PCDHA3: variants seen among roughly 807,000 people sequenced by gnomAD.
The protein encoded by PCDHA3 is protocadherin alpha-3.
In PCDHA3, 41 loss-of-function variants were observed where a neutral mutation model predicts 62.2. The observed-to-expected ratio is 0.66, with a 90% CI of 0.51 to 0.86. The LOEUF (loss-of-function observed/expected upper bound fraction) is 0.86, where lower values mean the gene tolerates loss of function less well. Among genes scored for constraint, PCDHA3 ranks in the 40% least tolerant of loss-of-function variants. The pLI, the probability that PCDHA3 is intolerant of heterozygous loss-of-function variation, is 0.00. For missense variants in PCDHA3, 1,304 were observed against 1,241.2 expected (o/e 1.05, Z -0.76); for synonymous variants, 640 against 555.4 (o/e 1.15, Z -2.14).
chr5:140,954,184 T>C (rs2094994216), intron 1 of PCDHA3, among the ~76,000 whole-genome samples: 1 of 152,236 alleles, frequency 6.6e-6, no homozygotes, highest in Non-Finnish European at 1.5e-5. Flanking sequence ...CAGTCTATCA[T>C]TGATGGGCAT....
intron 1 of PCDHA3, among the ~76,000 whole-genome samples, chr5:140,899,492 T>A (rs1325439071): frequency 3.9e-5 from 6 of 152,338 alleles, no homozygotes; most frequent in Admixed American, 3.3e-4. Context: ...CTGGATTACA[T>A]TTATTGATTT....
intron 1 of PCDHA3, among the ~76,000 whole-genome samples, chr5:140,943,089 T>C (rs2093417033): frequency 6.6e-6 from 1 of 151,612 alleles, no homozygotes; most frequent in African/African-American, 2.4e-5. Flanking sequence ...AAATCCTGCC[T>C]CTACTAAAAA....
chr5:141,006,425 G>A (rs1483231288), intron 3 of PCDHA3, among the ~76,000 whole-genome samples: 2 of 152,080 alleles, frequency 1.3e-5, no homozygotes, highest in African/African-American at 4.8e-5. Context: ...GTGTTAGCCA[G>A]GATGGTCTCA....
In PCDHA3 at chr5:140,895,583, A is replaced by C. The variant is rs545210218; in HGVS notation, c.2395-83366A>C. On this transcript the variant is annotated intron_variant, in intron 1 of 3. Coordinates refer to ENST00000522353, the MANE Select transcript of PCDHA3 (RefSeq NM_018906.3). ...ATATTCTAGATGCAATTACTTTATT[A>C]GATATATAATTTGCAAAGATTTTCT... Among the ~76,000 whole-genome samples, 15 of 152,292 alleles carry C rather than the reference A, an allele frequency of 9.8e-5. No individual in the cohort carries two copies. In the South Asian group the frequency reaches 3.1e-3, roughly 32 times the overall value.
At chr5:140,836,514 T>C in intron 1 of PCDHA3, 2 of 1,613,848 alleles carry the variant, frequency 1.2e-6, no homozygotes, top group Non-Finnish European at 1.7e-6. Flanking sequence ...GTCCAGTCTG[T>C]TGGTGCTTAC....
At chr5:140,900,546 G>A (rs1430203463) in intron 1 of PCDHA3, among the ~76,000 whole-genome samples, 3 of 152,162 alleles carry the variant, frequency 2.0e-5, no homozygotes, top group East Asian at 1.9e-4. Context: ...CAAAGTGCTG[G>A]GATTACAGGC....
intron 1 of PCDHA3, chr5:140,828,910 G>A (rs2150160654): frequency 6.2e-7 from 1 of 1,613,410 alleles, no homozygotes; most frequent in Non-Finnish European, 8.5e-7. Context: ...ATGAAGGAGC[G>A]AATGGGGCAA....
intron 1 of PCDHA3, among the ~76,000 whole-genome samples, chr5:140,950,271 T>C (rs1202365274): frequency 6.6e-6 from 1 of 152,058 alleles, no homozygotes; most frequent in Non-Finnish European, 1.5e-5. Flanking sequence ...ATCCATAATG[T>C]CTTTTTGCTT....
Position 141,009,979 on chromosome 5 carries a change from T to C in PCDHA3, c.*42T>C. 2.5e-6 allele frequency: 4 copies of C among 1,583,392 alleles called. No individual in the cohort carries two copies. Among genetic ancestry groups the C allele is most frequent in the Non-Finnish European group, 3.4e-6 (4 of 1,168,152 alleles). On this transcript the variant is annotated 3_prime_UTR_variant, in exon 4 of 4. Coordinates refer to ENST00000522353, the MANE Select transcript of PCDHA3 (RefSeq NM_018906.3). The stretch of plus-strand genomic sequence containing the variant: ...CAAGCCACTTAGCCAGTTTTTGTAA[T>C]AATGGCAAATCTCTCCCATGTAGCA...
intron 1 of PCDHA3, chr5:140,834,281 C>T (rs1772882234): frequency 2.7e-6 from 3 of 1,125,172 alleles, no homozygotes; most frequent in South Asian, 1.5e-5. Flanking sequence ...TCTTTGGATG[C>T]ACAACAATGG....
chr5:140,808,123 A>C, intron 1 of PCDHA3: 2 of 1,614,078 alleles, frequency 1.2e-6, no homozygotes, highest in Non-Finnish European at 1.7e-6. Flanking sequence ...ACTTTGAAGA[A>C]AGCAAATCCT....
rs1246166621 is a variant in PCDHA3 at position 140,856,524 on chromosome 5, C to A, written c.2394+52933C>A. On this transcript the variant is annotated intron_variant, in intron 1 of 3. Coordinates refer to ENST00000522353, the MANE Select transcript of PCDHA3 (RefSeq NM_018906.3). ...TTTCCACTAGAAGGCGCATCTGATG[C>A]GGATGTTGGAGAGAACGCATTGCTT... The A allele has an allele frequency of 7.5e-6, 12 of 1,598,178 alleles. 1 individual carries two copies. The Middle Eastern group carries it at 1.2e-3, about 155-fold the overall frequency.
intron 1 of PCDHA3, chr5:140,967,835 G>T: frequency 6.2e-7 from 1 of 1,614,142 alleles, no homozygotes; most frequent in Non-Finnish European, 8.5e-7. Flanking sequence ...GGACATCGTG[G>T]ACGTGAATGA....
intron 1 of PCDHA3, chr5:140,836,100 A>T (rs782621778): frequency 6.2e-7 from 1 of 1,613,700 alleles, no homozygotes; most frequent in Non-Finnish European, 8.5e-7. Flanking sequence ...GGTGGGTGGC[A>T]CTGGTGGCGC....
At chr5:140,892,144 G>A (rs549500463) in intron 1 of PCDHA3, among the ~76,000 whole-genome samples, 45 of 152,220 alleles carry the variant, frequency 3.0e-4, no homozygotes, top group African/African-American at 1.1e-3. Context: ...TGGTTTTAGC[G>A]TCTATTTCTG....
intron 1 of PCDHA3, chr5:140,829,458 C>T (rs2150168320): frequency 1.2e-6 from 2 of 1,613,890 alleles, no homozygotes; most frequent in Admixed American, 3.3e-5. Flanking sequence ...CCGGCGTTCG[C>T]GCAGCCCGAG....
At chr5:140,836,761 T>C in intron 1 of PCDHA3, 2 of 1,569,180 alleles carry the variant, frequency 1.3e-6, no homozygotes, top group Non-Finnish European at 1.7e-6. Flanking sequence ...TAATCTTGTT[T>C]CCAACAATTT....
At position 140,856,143 on chromosome 5, in the gene PCDHA3, A is replaced by G. The variant is rs782449893; in HGVS notation, c.2394+52552A>G. 6 of 1,598,020 alleles carry G rather than the reference A, an allele frequency of 3.8e-6. 1 individual carries two copies. The South Asian group carries it at 6.6e-5, about 18-fold the overall frequency. On this transcript the variant is annotated intron_variant, in intron 1 of 3. Coordinates refer to ENST00000522353, the MANE Select transcript of PCDHA3 (RefSeq NM_018906.3). ...GAGGTGGGGAGCGGCCAGCTCCACTACTCAGTCTACGAGGAGGCCAGACAC... is the reference window on the plus strand; with the variant it reads ...GAGGTGGGGAGCGGCCAGCTCCACTGCTCAGTCTACGAGGAGGCCAGACAC...
rs149287754 is a variant in PCDHA3, at chr5:140,962,549, G to T, written c.2395-16400G>T. Reference sequence around the variant, plus strand: ...GTTTTTTAGAACTAAAAATGTAGAGGATCTCCCCCTAAAAGCCAATTGTTA... The same window carrying T: ...GTTTTTTAGAACTAAAAATGTAGAGTATCTCCCCCTAAAAGCCAATTGTTA... On this transcript the variant is annotated intron_variant, in intron 1 of 3. Coordinates refer to ENST00000522353, the MANE Select transcript of PCDHA3 (RefSeq NM_018906.3). 1.3e-3 allele frequency among the ~76,000 whole-genome samples: 202 copies of T among 152,208 alleles called. 3 individuals carry two copies. The highest frequency in any genetic ancestry group is 4.3e-4 in the Non-Finnish European group (29 of 68,014).
Sources: gnomAD v4.1 joint callset for allele counts (sites outside exome capture counted in the v4.1 genomes callset) on GRCh38, gnomAD v4.1.1 for gene constraint, MANE v1.5 for transcripts, NCBI Gene and HGNC (gene_info 2026-07-23, HGNC 2026-07-21) for gene names.